KIF1B: variants seen among roughly 807,000 people sequenced by gnomAD.
KIF1B encodes the protein kinesin-like protein KIF1B.
KIF1B carries 76 observed loss-of-function variants against 241.9 expected under a neutral mutation model. The observed-to-expected ratio is 0.31, with a 90% CI of 0.26 to 0.38. The LOEUF is 0.38. KIF1B is among the 10% of genes least tolerant of loss of function. KIF1B has a pLI of 1.00. For synonymous variants in KIF1B, 750 were observed against 796.7 expected (o/e 0.94, Z 0.99); for missense variants, 1,622 against 2,271.4 (o/e 0.71, Z 5.81).
chr1:10,297,192 C>G lies in KIF1B; in HGVS notation c.2061C>G (p.Ile687Met). 1 of 1,603,570 alleles carries G rather than the reference C, an allele frequency of 6.2e-7. No homozygotes were observed. Among genetic ancestry groups the G allele is most frequent in the Non-Finnish European group, 8.5e-7 (1 of 1,175,554 alleles). ...CTTCTAGGCTACAGGAAATGGAGAT[C>G]TTATACAAAAAGGAGAAGGAAGAAG... Reference protein sequence around the residue: ...EMEKRLQEMEILYKKEKEEAD... With the variant: ...EMEKRLQEMEMLYKKEKEEAD... Residue 687 changes from isoleucine (I) to methionine (M), a missense_variant, in exon 22 of 49, where the codon ATC becomes ATG. By Grantham distance (10) the Ile-to-Met change is conservative. Transcript: ENST00000676179.
intron 12 of KIF1B, among the ~76,000 whole-genome samples, 174 bp downstream of exon 12, chr1:10,276,573 C>T (rs1649120378): frequency 1.3e-5 from 2 of 152,032 alleles, no homozygotes; most frequent in South Asian, 2.1e-4. Flanking sequence ...ATAGAATTTA[C>T]CTCTTTATGG....
At chr1:10,288,038 T>C (rs1649799551) in intron 15 of KIF1B, among the ~76,000 whole-genome samples, 1 of 152,198 alleles carries the variant, frequency 6.6e-6, no homozygotes, top group Non-Finnish European at 1.5e-5. Context: ...CAGCTATCTT[T>C]AATAGACCTT....
chr1:10,249,262 C>T (rs1647311335), intron 2 of KIF1B, among the ~76,000 whole-genome samples: 1 of 152,114 alleles, frequency 6.6e-6, no homozygotes, highest in Non-Finnish European at 1.5e-5. Context: ...ACTATTTTAG[C>T]TCAGTTGACC....
In KIF1B at chr1:10,326,488, C is replaced by T; in HGVS notation, c.2924+129C>T. The T allele has an allele frequency of 8.2e-7, 1 of 1,212,322 alleles. No homozygotes were observed. The highest frequency in any genetic ancestry group is 1.5e-5 in the African/African-American group (1 of 67,582). The allele number at this position is 1,212,322 out of a possible 1,614,324, so 75.1% of individuals were successfully genotyped here. On this transcript the variant is annotated intron_variant, in intron 27 of 48. Transcript: ENST00000676179. This position sits in a 1 kb window ranked among gnomAD's most constrained non-coding sequence, Gnocchi z 5.2. Reference sequence around the variant, plus strand: ...CATGAATGCTCTTTTTCAAGTTCTCCAATACTTCAAGCTCTTAGTCAGTGC... The same window carrying T: ...CATGAATGCTCTTTTTCAAGTTCTCTAATACTTCAAGCTCTTAGTCAGTGC...
intron 22 of KIF1B, among the ~76,000 whole-genome samples, chr1:10,314,440 G>A (rs116106115): frequency 0.019 from 2,912 of 151,338 alleles, 52 homozygotes; most frequent in Non-Finnish European, 0.028. Context: ...TTGTTTTTGA[G>A]ATGGGGTCTC....
chr1:10,323,685 G>A (rs1485013485), intron 24 of KIF1B, among the ~76,000 whole-genome samples, 199 bp from the exon 25 acceptor site: 2 of 152,158 alleles, frequency 1.3e-5, no homozygotes, highest in African/African-American at 4.8e-5. Flanking sequence ...GGAAAACAAA[G>A]TCCTTAAATA....
intron 22 of KIF1B, among the ~76,000 whole-genome samples, chr1:10,302,007 G>T (rs1226026190): frequency 3.3e-5 from 5 of 152,164 alleles, no homozygotes; most frequent in Non-Finnish European, 7.4e-5. Context: ...CTTTTAAAGT[G>T]GATCAATTTT....
chr1:10,315,115 A>G (rs1208686170), intron 22 of KIF1B, among the ~76,000 whole-genome samples: 1 of 150,030 alleles, frequency 6.7e-6, no homozygotes, highest in African/African-American at 2.5e-5. Context: ...AATTATAGAT[A>G]TCATGGCAGT....
At chr1:10,355,191 T>C (rs1652931712) in intron 38 of KIF1B, among the ~76,000 whole-genome samples, 1 of 152,224 alleles carries the variant, frequency 6.6e-6, no homozygotes, top group East Asian at 1.9e-4. Context: ...ACCCATGTTA[T>C]TGTAAGTCCT....
At chr1:10,218,144 A>G (rs938422927) in intron 1 of KIF1B, among the ~76,000 whole-genome samples, 2 of 151,966 alleles carry the variant, frequency 1.3e-5, no homozygotes, top group Non-Finnish European at 2.9e-5. Context: ...GGATACTGGC[A>G]TTTCCCACTT....
rs121908163 is a variant in KIF1B at position 10,345,943 on chromosome 1, C to T, written c.3787C>T (p.Pro1263Ser). The change falls in exon 35 of 49, where the codon CCT (proline) becomes TCT (serine). Residue 1263 changes from proline to serine, a missense_variant. By Grantham distance (74) the Pro-to-Ser change is moderately conservative. Transcript: ENST00000676179. ...LVWFEISELEPTGEYIPAVVD... is the reference protein window; with the variant it reads ...LVWFEISELESTGEYIPAVVD... Reference sequence around the variant, plus strand: ...TTGGTTTGAGATCAGTGAACTGGAGCCTACAGGAGAGTAAGTCCAACTTAA... The same window carrying T: ...TTGGTTTGAGATCAGTGAACTGGAGTCTACAGGAGAGTAAGTCCAACTTAA... 6.3e-5 allele frequency: 101 copies of T among 1,603,368 alleles called. 2 individuals carry two copies. In the East Asian group the frequency reaches 2.0e-3, roughly 32 times the overall value.
In KIF1B at chr1:10,290,914, AG is replaced by A. The variant is rs1010457877; in HGVS notation, c.1435-166del. Among the ~76,000 whole-genome samples the A allele has an allele frequency of 2.0e-5, 3 of 151,700 alleles. No individual in the cohort carries two copies. In the East Asian group the frequency reaches 5.9e-4, roughly 30 times the overall value. On this transcript the variant is annotated intron_variant, in intron 15 of 48. Coordinates refer to ENST00000676179, the MANE Select transcript of KIF1B (RefSeq NM_001365951.3). ...ATTTGTTTGGGGTTGATTTAGTTTT[AG>A]GTCTAATCTTTATGATTCTTATCTT...
Position 10,254,647 on chromosome 1 carries a change from C to A in KIF1B, c.107-1600C>A, listed in dbSNP as rs542602797. Among the ~76,000 whole-genome samples the A allele has an allele frequency of 1.3e-4, 19 of 151,930 alleles. No individual in the cohort carries two copies. The South Asian group carries it at 3.9e-3, about 32-fold the overall frequency. On this transcript the variant is annotated intron_variant, in intron 2 of 48. Transcript: ENST00000676179. Reference sequence around the variant, plus strand: ...ATCCCAGCACTTTGGGAGGCCGAGGCGGGTGGATCACAAGGTCAGGAGATC... The same window carrying A: ...ATCCCAGCACTTTGGGAGGCCGAGGAGGGTGGATCACAAGGTCAGGAGATC...
intron 15 of KIF1B, among the ~76,000 whole-genome samples, chr1:10,289,383 T>G (rs1379122864): frequency 6.6e-6 from 1 of 152,146 alleles, no homozygotes; most frequent in East Asian, 1.9e-4. Flanking sequence ...CCAGGTACTT[T>G]CCCACTCTCA....
Position 10,374,860 on chromosome 1 carries a change from G to A in KIF1B, c.5103G>A (p.Val1701=). The change falls in exon 47 of 49, where the codon GTG becomes GTA. Residue 1701 remains valine (V), a synonymous_variant. Coordinates refer to ENST00000676179, the MANE Select transcript of KIF1B (RefSeq NM_001365951.3). The surrounding 1 kb of genome is among the most constrained non-coding windows in gnomAD (Gnocchi z 4.3). ...GTCATATTGTCGTTTTTAGCTCAGT[G>A]GTCTCTAAGAAAGGATACCTTCATT... is the stretch of plus-strand genomic sequence containing the variant. ...PDIEEIRPSS[V]VSKKGYLHFK... The A allele has an allele frequency of 6.2e-7, 1 of 1,609,914 alleles. No homozygotes were observed. Among genetic ancestry groups the A allele is most frequent in the Non-Finnish European group, 8.5e-7 (1 of 1,176,504 alleles).
chr1:10,282,027 C>T (rs1649428470), intron 14 of KIF1B, among the ~76,000 whole-genome samples: 1 of 152,156 alleles, frequency 6.6e-6, no homozygotes, highest in African/African-American at 2.4e-5. Context: ...AAGCAGTATC[C>T]TTTGAGGCTC....
chr1:10,355,600 T>TTTTTCA (rs1336860962), intron 38 of KIF1B, among the ~76,000 whole-genome samples: 1 of 152,184 alleles, frequency 6.6e-6, no homozygotes, highest in Non-Finnish European at 1.5e-5. Flanking sequence ...TTTCATTCCA[T>TTTTTCA]TTGCTAAACT....
chr1:10,319,112 T>C lies in KIF1B; in HGVS notation c.2116-931T>C, dbSNP rs527908312. ...TTGTATTACAATAATCCTTTTTTTTTTTTTTTTTGAGACAGAGTCTCGCTC... is the reference window on the plus strand; with the variant it reads ...TTGTATTACAATAATCCTTTTTTTTCTTTTTTTTGAGACAGAGTCTCGCTC... On this transcript the variant is annotated intron_variant, in intron 22 of 48. Transcript: ENST00000676179. 4.8e-4 allele frequency among the ~76,000 whole-genome samples: 70 copies of C among 146,206 alleles called. 1 individual carries two copies. The highest frequency in any genetic ancestry group is 1.9e-3 in the African/African-American group (68 of 36,444).
chr1:10,257,263 G>A (rs1647845308), intron 3 of KIF1B, among the ~76,000 whole-genome samples: 1 of 149,762 alleles, frequency 6.7e-6, no homozygotes, highest in East Asian at 2.0e-4. Flanking sequence ...AGCAATGTGG[G>A]TTCTGAACAT....
Sources: gnomAD v4.1 joint callset for allele counts (sites outside exome capture counted in the v4.1 genomes callset) on GRCh38, gnomAD v4.1.1 for gene constraint, Gnocchi (gnomAD v3.1) non-coding constraint, MANE v1.5 for transcripts, NCBI Gene and HGNC (gene_info 2026-07-23, HGNC 2026-07-21) for gene names.